Variants in FAM131A observed in about 807,000 individuals in gnomAD.
The protein encoded by FAM131A is protein FAM131A.
In FAM131A, 24 loss-of-function variants were observed where a neutral mutation model predicts 39.2. The observed-to-expected ratio is 0.61, with a 90% CI of 0.44 to 0.86. The LOEUF is 0.86. Ranked by LOEUF, FAM131A falls within the 40% of genes least tolerant of loss-of-function variation. The pLI, the probability that FAM131A is intolerant of heterozygous loss-of-function variation, is 0.00. For synonymous variants in FAM131A, 202 were observed against 206.8 expected, an observed-to-expected ratio of 0.98 and a Z score of 0.20; for missense variants, 373 against 481.2, an observed-to-expected ratio of 0.78 and a Z score of 2.10.
At chr3:184,341,176 A>G (rs115056768) in intron 2 of FAM131A, 3,072 of 164,804 alleles carry the variant, frequency 0.019, 119 homozygotes, top group African/African-American at 0.07. Context: ...CCAGGGGAGA[A>G]TTGATGGTAA....
Position 184,337,652 on chromosome 3 carries a change from G to C in FAM131A, c.22G>C (p.Gly8Arg). 6.5e-7 allele frequency: 1 copy of C among 1,537,270 alleles called. No homozygotes were observed. Among genetic ancestry groups the C allele is most frequent in the Non-Finnish European group, 8.7e-7 (1 of 1,146,926 alleles). ...CAGCATGCCTATGATTTCTGTGCTG[G>C]GCAAAATGTTTCTGTGGCAGCGTGA... MPMISVLGKMFLWQREGP... is the reference protein window; with the variant it reads MPMISVLRKMFLWQREGP... The change falls in exon 1 of 6, where the codon GGC becomes CGC. Residue 8 changes from glycine (G) to arginine (R), a missense_variant. Physicochemically the swap from Gly to Arg is moderately radical, Grantham distance 125. This residue lies in a region of FAM131A where 221 missense variants were observed against 347.7 expected (regional missense o/e 0.64). Transcript: ENST00000383847.
At chr3:184,344,409 G>C (rs942668409) in intron 5 of FAM131A, 86 bp from the exon 6 acceptor site, 2 of 1,299,636 alleles carry the variant, frequency 1.5e-6, no homozygotes, top group Non-Finnish European at 2.1e-6. Flanking sequence ...AGCTATGCCA[G>C]GGGTGGAGTG....
chr3:184,341,597 A>G (rs183840054), intron 2 of FAM131A, 127 bp from the exon 3 acceptor site: 32 of 699,824 alleles, frequency 4.6e-5, no homozygotes, highest in African/African-American at 3.3e-4. Context: ...CCCTGTAGCC[A>G]CTGGGACATA....
At position 184,344,484 on chromosome 3, in the gene FAM131A, TCTC is replaced by T. The variant is rs778222670; in HGVS notation, c.626-7_626-5del. The T allele has an allele frequency of 1.1e-5, 17 of 1,515,662 alleles. No homozygotes were observed. The highest frequency in any genetic ancestry group is 9.1e-5 in the East Asian group (4 of 43,922). 93.9% of individuals were successfully genotyped at this position (1,515,662 alleles called of 1,614,324 possible). ...CCAGCAGGACTGTCTTCTTTTCTCT[TCTC>T]CTCACAGACATGGCTGGGCAGCTGC... On this transcript the variant is annotated splice_region_variant and splice_polypyrimidine_tract_variant and intron_variant, in intron 5 of 5. Coordinates refer to ENST00000383847, the MANE Select transcript of FAM131A (RefSeq NM_144635.5).
chr3:184,341,626 C>T, intron 2 of FAM131A, 98 bp from the exon 3 acceptor site: 1 of 939,242 alleles, frequency 1.1e-6, no homozygotes, highest in Non-Finnish European at 1.7e-6. Context: ...TCCTTCCTAG[C>T]TCCTGTCTCC....
At chr3:184,343,032 T>C (rs1478273339) in intron 5 of FAM131A, 172 bp downstream of exon 5, 2 of 463,712 alleles carry the variant, frequency 4.3e-6, no homozygotes, top group East Asian at 3.0e-5. Context: ...CACTCATGGG[T>C]GGGAAATGAG....
At chr3:184,336,383 A>G (rs1393383125), upstream of FAM131A, among the ~76,000 whole-genome samples, 2 of 152,128 alleles carry the variant, frequency 1.3e-5, no homozygotes, top group African/African-American at 2.4e-5. The surrounding 1 kb of genome is among the most constrained non-coding windows in gnomAD (Gnocchi z 5.5). Flanking sequence ...CCGTGTGCCC[A>G]CTGCTCAGGG....
At chr3:184,339,221 G>C (rs530550189) in intron 2 of FAM131A, 26 of 152,452 alleles carry the variant, frequency 1.7e-4, no homozygotes, top group African/African-American at 6.3e-4. Context: ...GAGCTCCCTC[G>C]GGAGACAGAC....
chr3:184,337,761 A>G, intron 1 of FAM131A, 43 bp downstream of exon 1: 1 of 1,521,208 alleles, frequency 6.6e-7, no homozygotes, highest in Non-Finnish European at 8.8e-7. Flanking sequence ...GATGATGGGA[A>G]GCTGAGCAGT....
chr3:184,341,488 G>A (rs1481788822), intron 2 of FAM131A: 2 of 578,420 alleles, frequency 3.5e-6, no homozygotes, highest in Non-Finnish European at 6.2e-6. Flanking sequence ...GGAAAGTGGA[G>A]GATTAGCTGA....
rs769212848 is a variant in FAM131A at position 184,337,688 on chromosome 3, G to A, written c.58G>A (p.Gly20Arg). The A allele has an allele frequency of 1.4e-5, 22 of 1,537,154 alleles. No homozygotes were observed. Among genetic ancestry groups the A allele is most frequent in the Non-Finnish European group, 1.8e-5 (21 of 1,146,932 alleles). ...MFLWQREGPG[G>R]RWTCQTSRRV... is the part of the protein sequence containing the mutation. ...TCTGTGGCAGCGTGAAGGGCCTGGA[G>A]GACGATGGACTTGTCAGACAAGTCG... Residue 20 changes from glycine (G) to arginine (R), a missense_variant, in exon 1 of 6, where the codon GGA becomes AGA. Gly to Arg is a moderately radical substitution (Grantham distance 125, BLOSUM62 -2). This residue lies in a region of FAM131A where 221 missense variants were observed against 347.7 expected (regional missense o/e 0.64). Coordinates refer to ENST00000383847, the MANE Select transcript of FAM131A (RefSeq NM_144635.5).
At chr3:184,340,490 C>T (rs917841049) in intron 2 of FAM131A, 4 of 147,834 alleles carry the variant, frequency 2.7e-5, no homozygotes, top group South Asian at 2.2e-4. Context: ...CCATGCCCAG[C>T]TAATTTTTGT....
chr3:184,339,096 G>C (rs572582068), intron 2 of FAM131A: 2 of 152,836 alleles, frequency 1.3e-5, no homozygotes, highest in East Asian at 1.9e-4. Flanking sequence ...AGGGATGTGT[G>C]CCTCCAACTT....
chr3:184,341,383 G>A (rs1727371067), intron 2 of FAM131A: 2 of 349,262 alleles, frequency 5.7e-6, no homozygotes, highest in South Asian at 6.3e-5. Context: ...AGTCCTGGAT[G>A]CCACACTCTT....
At chr3:184,338,701 C>T in intron 2 of FAM131A, 172 bp downstream of exon 2, 1 of 786,554 alleles carries the variant, frequency 1.3e-6, no homozygotes, top group Non-Finnish European at 1.9e-6. Flanking sequence ...CTGCTCGGCG[C>T]TGTGCCAGCA....
At chr3:184,341,693 G>A (rs1184907067) in intron 2 of FAM131A, 31 bp from the exon 3 acceptor site, 3 of 1,579,962 alleles carry the variant, frequency 1.9e-6, no homozygotes, top group Admixed American at 3.4e-5. Context: ...GCTGTCAGAG[G>A]GGCACTGACT....
At position 184,345,681 on chromosome 3, in the gene FAM131A, G is replaced by A; in HGVS notation, c.*711G>A. The A allele has an allele frequency of 1.5e-6, 1 of 651,816 alleles. No individual in the cohort carries two copies. Among genetic ancestry groups the A allele is most frequent in the Non-Finnish European group, 2.7e-6 (1 of 365,112 alleles). 40.4% of individuals were successfully genotyped at this position (651,816 alleles called of 1,614,324 possible). A position where few individuals can be genotyped will look rare whatever the true frequency, so the allele number is the denominator to read the frequency against. ...TTCCTGGCCCCCTAATGGGGCCTGG[G>A]CCCTTTCCCAACCCCTCCTAGGATG... On this transcript the variant is annotated 3_prime_UTR_variant, in exon 6 of 6. Transcript: ENST00000383847.
chr3:184,344,760 C>A lies in FAM131A; in HGVS notation c.891C>A (p.Gly297=). ...GGGAAAGTGCCTTCCGCAGCCTGGG[C>A]CCACTGGAGGCCCAGGACTCACTCT... ...PSRESAFRSL[G]PLEAQDSLYN... is the part of the protein sequence containing the mutation. Residue 297 remains glycine, a synonymous_variant, in exon 6 of 6, where the codon GGC becomes GGA. Transcript: ENST00000383847. 6.2e-7 allele frequency: 1 copy of A among 1,612,292 alleles called. No individual in the cohort carries two copies. Among genetic ancestry groups the A allele is most frequent in the Non-Finnish European group, 8.5e-7 (1 of 1,179,956 alleles).
In FAM131A at chr3:184,344,818, C is replaced by T. The variant is rs934813185; in HGVS notation, c.949C>T (p.Pro317Ser). The change falls in exon 6 of 6, where the codon CCC becomes TCC. Residue 317 changes from proline (P) to serine (S), a missense_variant. Pro to Ser is a moderately conservative substitution (Grantham distance 74). Transcript: ENST00000383847. ...NSPLTESCLS[P>S]AEEEPAPCKD... is the part of the protein sequence containing the mutation. ...GCCCCTCACAGAGTCCTGCCTTTCC[C>T]CCGCGGAGGAGGAGCCAGCCCCCTG... 3.1e-6 allele frequency: 5 copies of T among 1,612,094 alleles called. No homozygotes were observed. The African/African-American group carries it at 5.3e-5, about 17-fold the overall frequency.
Sources: gnomAD v4.1 joint callset for allele counts (sites outside exome capture counted in the v4.1 genomes callset) on GRCh38, gnomAD v4.1.1 for gene constraint, gnomAD v4.1.1 regional missense constraint, Gnocchi (gnomAD v3.1) non-coding constraint, MANE v1.5 for transcripts, NCBI Gene and HGNC (gene_info 2026-07-23, HGNC 2026-07-21) for gene names.